Variants in PALM2AKAP2 observed in about 807,000 individuals in gnomAD.
The protein encoded by PALM2AKAP2 is PALM2 and AKAP2 fusion, also known as PALM2-AKAP2 fusion protein.
In PALM2AKAP2, 37 loss-of-function variants were observed where a neutral mutation model predicts 71.5. The ratio of observed to expected loss-of-function variants is 0.52; its 90% CI spans 0.40 to 0.68. The LOEUF is 0.68. PALM2AKAP2 is among the 30% of genes least tolerant of loss of function. The pLI, the probability that PALM2AKAP2 is intolerant of heterozygous loss-of-function variation, is 0.00. For missense variants in PALM2AKAP2, 1,224 were observed against 1,191.8 expected (o/e 1.03, Z -0.40); for synonymous variants, 468 against 478.8 (o/e 0.98, Z 0.29).
At chr9:109,657,486 A>T in intron 1 of PALM2AKAP2, among the ~76,000 whole-genome samples, 1 of 95,554 alleles carries the variant, frequency 1.0e-5, no homozygotes. Flanking sequence ...GTGTAAAATC[A>T]ATGGAGGGTC....
upstream of PALM2AKAP2, among the ~76,000 whole-genome samples, chr9:110,044,478 A>AGTAAC (rs1267897323): frequency 6.8e-6 from 1 of 147,180 alleles, no homozygotes; most frequent in Non-Finnish European, 1.5e-5. Context: ...CAGCCTCCCA[A>AGTAAC]GTAGCTGGGA....
chr9:109,728,446 G>T (rs1013412659), intron 1 of PALM2AKAP2, among the ~76,000 whole-genome samples: 2 of 152,294 alleles, frequency 1.3e-5, no homozygotes, highest in Admixed American at 6.5e-5. Flanking sequence ...ACACACAGAA[G>T]GAAGAAGTAA....
chr9:109,856,165 TG>T (rs1421918413), intron 1 of PALM2AKAP2, among the ~76,000 whole-genome samples: 1 of 152,230 alleles, frequency 6.6e-6, no homozygotes, highest in Admixed American at 6.5e-5. Flanking sequence ...TTCAAATCCT[TG>T]ACTTAGCAGT....
Position 110,135,164 on chromosome 9 carries a change from A to AAAAAAAAAATATATAT in PALM2AKAP2, c.157-962_157-961insAAAAAAAATATATATA. On this transcript the variant is annotated intron_variant, in intron 1 of 3. Coordinates refer to ENST00000374525, the Ensembl canonical transcript of PALM2AKAP2. Reference sequence around the variant, plus strand: ...AACTCTGTCTCTACAAAAAAAAAAAAATATATAAATATATATATATATATA... The same window carrying AAAAAAAAAATATATAT: ...AACTCTGTCTCTACAAAAAAAAAAAAAAAAAAAAATATATATATATATAAATATATATATATATATA... Among the ~76,000 whole-genome samples, 6 of 51,730 alleles carry AAAAAAAAAATATATAT rather than the reference A, an allele frequency of 1.2e-4. 1 individual carries two copies. The highest frequency in any genetic ancestry group is 2.9e-4 in the African/African-American group (4 of 13,630). 33.9% of individuals were successfully genotyped at this position (51,730 alleles called of 152,430 possible). A position where few individuals can be genotyped will look rare whatever the true frequency, so the allele number is the denominator to read the frequency against.
chr9:109,669,891 T>G (rs1827549620), intron 1 of PALM2AKAP2, among the ~76,000 whole-genome samples: 2 of 151,996 alleles, frequency 1.3e-5, no homozygotes, highest in Non-Finnish European at 2.9e-5. Context: ...TTGACTTTTT[T>G]ATTGTTTATC....
At chr9:109,816,372 G>T (rs1486615096) in intron 1 of PALM2AKAP2, among the ~76,000 whole-genome samples, 1 of 152,186 alleles carries the variant, frequency 6.6e-6, no homozygotes, top group African/African-American at 2.4e-5. Context: ...AAGACAGGAG[G>T]GCTATGATGG....
chr9:109,959,121 G>A (rs547317443), intron 6 of PALM2AKAP2, among the ~76,000 whole-genome samples: 2 of 152,156 alleles, frequency 1.3e-5, no homozygotes, highest in Non-Finnish European at 2.9e-5. Context: ...CCAAAGGAAC[G>A]TTGAGTTTGT....
chr9:110,015,419 T>C (rs1832962221), intron 6 of PALM2AKAP2, among the ~76,000 whole-genome samples: 2 of 152,030 alleles, frequency 1.3e-5, no homozygotes, highest in South Asian at 4.2e-4. Context: ...GGCAACATGG[T>C]GAAATCCCCA....
At chr9:110,110,542 C>CT (rs559402514) in intron 1 of PALM2AKAP2, among the ~76,000 whole-genome samples, 7,978 of 94,602 alleles carry the variant, frequency 0.084, 659 homozygotes, top group African/African-American at 0.12. Flanking sequence ...TTTCTGAACT[C>CT]TTTTTTTTTT....
At chr9:109,882,639 T>C (rs1829879002) in intron 3 of PALM2AKAP2, among the ~76,000 whole-genome samples, 1 of 152,002 alleles carries the variant, frequency 6.6e-6, no homozygotes, top group South Asian at 2.1e-4. Flanking sequence ...TCTATTTTTC[T>C]TTTTGTTTCT....
At chr9:109,825,909 G>A (rs1442343926) in intron 1 of PALM2AKAP2, among the ~76,000 whole-genome samples, 1 of 152,130 alleles carries the variant, frequency 6.6e-6, no homozygotes, top group African/African-American at 2.4e-5. Flanking sequence ...AAAGACACAT[G>A]CACACGTATG....
chr9:110,135,418 G>A (rs1835841411), intron 1 of PALM2AKAP2, among the ~76,000 whole-genome samples: 1 of 136,594 alleles, frequency 7.3e-6, no homozygotes. Context: ...TTTTCTTATT[G>A]AATCACAAAC....
intron 1 of PALM2AKAP2, among the ~76,000 whole-genome samples, chr9:109,865,962 C>G (rs1330871207): frequency 6.6e-6 from 1 of 152,198 alleles, no homozygotes; most frequent in Non-Finnish European, 1.5e-5. Context: ...TGCACACACT[C>G]TGGGATTAAG....
chr9:110,156,490 A>G (rs200363005), exon 3 of PALM2AKAP2: 1 of 1,602,634 alleles, frequency 6.2e-7, no homozygotes, highest in East Asian at 2.2e-5. Context: ...AGAATGGATG[A>G]TAGTAGTGTA....
At chr9:109,963,331 C>G (rs1831886142) in intron 6 of PALM2AKAP2, among the ~76,000 whole-genome samples, 1 of 152,180 alleles carries the variant, frequency 6.6e-6, no homozygotes, top group Admixed American at 6.5e-5. Flanking sequence ...ACTGAAAGTT[C>G]AAGGTCAAGC....
intron 1 of PALM2AKAP2, among the ~76,000 whole-genome samples, chr9:109,791,886 A>G (rs1342514893): frequency 6.6e-6 from 1 of 152,224 alleles, no homozygotes; most frequent in African/African-American, 2.4e-5. Context: ...TAAATACTGT[A>G]TGGGCCAAAC....
chr9:109,672,727 T>C (rs1392685006), intron 1 of PALM2AKAP2, among the ~76,000 whole-genome samples: 1 of 152,162 alleles, frequency 6.6e-6, no homozygotes, highest in Non-Finnish European at 1.5e-5. Context: ...TATGAATCCT[T>C]CTGGTCCTGG....
At chr9:109,764,732 G>A (rs1195364756) in intron 1 of PALM2AKAP2, among the ~76,000 whole-genome samples, 3 of 152,162 alleles carry the variant, frequency 2.0e-5, no homozygotes, top group Non-Finnish European at 2.9e-5. Flanking sequence ...ATGAATGGAT[G>A]GATGGACGGA....
intron 3 of PALM2AKAP2, among the ~76,000 whole-genome samples, chr9:109,913,017 A>G (rs145634913): frequency 2.6e-5 from 4 of 152,348 alleles, no homozygotes; most frequent in African/African-American, 9.6e-5. Flanking sequence ...AGTTTCACCA[A>G]ATCTACAAGG....
Sources: gnomAD v4.1 joint callset for allele counts (sites outside exome capture counted in the v4.1 genomes callset) on GRCh38, gnomAD v4.1.1 for gene constraint, MANE v1.5 for transcripts, NCBI Gene and HGNC (gene_info 2026-07-23, HGNC 2026-07-21) for gene names.